ROR1: variants seen among roughly 807,000 people sequenced by gnomAD.
ROR1 encodes ROR family WNT receptor 1, also known as inactive tyrosine-protein kinase transmembrane receptor ROR1.
In ROR1, 19 loss-of-function variants were observed where a neutral mutation model predicts 78.8. The ratio of observed to expected loss-of-function variants is 0.24; its 90% CI spans 0.17 to 0.35. The LOEUF is 0.35. Among genes scored for constraint, ROR1 ranks in the 10% least tolerant of loss-of-function variants. The probability of loss-of-function intolerance (pLI) is 1.00; values close to 1 mark genes in which losing one functional copy is unlikely to be tolerated. For missense variants in ROR1, 917 were observed against 1,177.8 expected (o/e 0.78, Z 3.24); for synonymous variants, 386 against 433.6 (o/e 0.89, Z 1.36).
At chr1:64,041,021 A>G (rs77930744) in intron 2 of ROR1, among the ~76,000 whole-genome samples, 1,991 of 152,328 alleles carry the variant, frequency 0.013, 34 homozygotes, top group African/African-American at 0.045. Flanking sequence ...AAGTCAATTA[A>G]TAGTGGGAAA....
At chr1:64,129,551 A>G (rs1404199309) in intron 4 of ROR1, among the ~76,000 whole-genome samples, 1 of 152,208 alleles carries the variant, frequency 6.6e-6, no homozygotes, top group African/African-American at 2.4e-5. Flanking sequence ...TCACCTATGC[A>G]TTTCCAGCTT....
intron 1 of ROR1, among the ~76,000 whole-genome samples, chr1:63,934,354 C>T (rs1645777399): frequency 6.6e-6 from 1 of 152,154 alleles, no homozygotes; most frequent in South Asian, 2.1e-4. Flanking sequence ...TCAGTTTGCT[C>T]ATCTGTTAGA....
chr1:64,150,739 A>G (rs943164335), intron 7 of ROR1, among the ~76,000 whole-genome samples: 1 of 152,248 alleles, frequency 6.6e-6, no homozygotes, highest in African/African-American at 2.4e-5. Flanking sequence ...TTTCATTTCC[A>G]GTCTCTATAC....
chr1:63,799,854 GT>G (rs1644785051), intron 1 of ROR1, among the ~76,000 whole-genome samples: 1 of 152,180 alleles, frequency 6.6e-6, no homozygotes, highest in African/African-American at 2.4e-5. Context: ...GAAAGCTCAA[GT>G]TTTTATGGCA....
intron 1 of ROR1, among the ~76,000 whole-genome samples, chr1:63,799,965 G>A (rs1285863663): frequency 6.6e-6 from 1 of 152,160 alleles, no homozygotes; most frequent in Non-Finnish European, 1.5e-5. Flanking sequence ...ATCTTTTATG[G>A]TCAAAGAAGA....
At chr1:64,116,339 A>C (rs528299814) in intron 4 of ROR1, among the ~76,000 whole-genome samples, 1 of 152,316 alleles carries the variant, frequency 6.6e-6, no homozygotes, top group Admixed American at 6.5e-5. Flanking sequence ...TTTTAACATT[A>C]TGCCTGGCGA....
At position 63,811,063 on chromosome 1, in the gene ROR1, CA is replaced by C. The variant is rs139917946; in HGVS notation, c.91+36556del. Among the ~76,000 whole-genome samples, 124 of 152,282 alleles carry C rather than the reference CA, an allele frequency of 8.1e-4. No individual in the cohort carries two copies. In the Middle Eastern group the frequency reaches 0.017, roughly 21 times the overall value. On this transcript the variant is annotated intron_variant, in intron 1 of 8. Coordinates refer to ENST00000371079, the MANE Select transcript of ROR1 (RefSeq NM_005012.4). ...AGAGACAGGAAGTAGTGAGAGGATA[CA>C]GACCCAACCGACTGTAGAAAACTGT...
At chr1:63,851,915 T>C (rs1324029129) in intron 1 of ROR1, among the ~76,000 whole-genome samples, 1 of 152,240 alleles carries the variant, frequency 6.6e-6, no homozygotes. Context: ...ACAAGTAGAC[T>C]GGCATCTTAC....
intron 1 of ROR1, among the ~76,000 whole-genome samples, chr1:63,786,008 G>C (rs1644682679): frequency 6.6e-6 from 1 of 152,044 alleles, no homozygotes. Context: ...CCTCCCAGGG[G>C]ACACGTGATA....
chr1:63,922,959 T>G (rs1415294119), intron 1 of ROR1, among the ~76,000 whole-genome samples: 2 of 152,166 alleles, frequency 1.3e-5, no homozygotes, highest in Non-Finnish European at 2.9e-5. Context: ...TGGCTCTCAG[T>G]GGAAAAGAGC....
intron 1 of ROR1, among the ~76,000 whole-genome samples, chr1:63,835,870 G>A (rs1006827518): frequency 6.6e-6 from 1 of 152,194 alleles, no homozygotes; most frequent in Admixed American, 6.5e-5. Context: ...TCCTTTTAGA[G>A]GAAATGGAGC....
intron 1 of ROR1, among the ~76,000 whole-genome samples, chr1:63,897,048 T>C (rs942366462): frequency 1.3e-5 from 2 of 152,210 alleles, no homozygotes; most frequent in African/African-American, 4.8e-5. Flanking sequence ...TAACAGTATT[T>C]TCTGTAAAAT....
At chr1:64,144,738 GCTCTTT>G (rs1383148344) in intron 7 of ROR1, among the ~76,000 whole-genome samples, 15 of 152,170 alleles carry the variant, frequency 9.9e-5, no homozygotes, top group Admixed American at 8.5e-4. Context: ...AAACCTGTTG[GCTCTTT>G]CCACTAAGCA....
At chr1:63,843,384 A>G (rs1271943173) in intron 1 of ROR1, 1 of 778,716 alleles carries the variant, frequency 1.3e-6, no homozygotes, top group African/African-American at 1.7e-5. Context: ...GACCCAGAAG[A>G]TAAACACCAG....
At chr1:63,917,837 G>A (rs1645620895) in intron 1 of ROR1, among the ~76,000 whole-genome samples, 1 of 152,168 alleles carries the variant, frequency 6.6e-6, no homozygotes, top group African/African-American at 2.4e-5. Context: ...TGGAAAGCAC[G>A]TGGCATAATG....
intron 2 of ROR1, among the ~76,000 whole-genome samples, chr1:64,017,689 G>A (rs1366690639): frequency 6.6e-6 from 1 of 152,138 alleles, no homozygotes; most frequent in Non-Finnish European, 1.5e-5. Flanking sequence ...GGGGCATTCA[G>A]CCTAGAGGAA....
intron 1 of ROR1, among the ~76,000 whole-genome samples, chr1:63,812,467 T>C (rs193285265): frequency 3.9e-5 from 6 of 152,246 alleles, no homozygotes; most frequent in Admixed American, 6.5e-5. Context: ...GATCATAAAC[T>C]CTAGGAGGGC....
At chr1:63,958,492 C>T (rs577499021) in intron 1 of ROR1, among the ~76,000 whole-genome samples, 1 of 152,208 alleles carries the variant, frequency 6.6e-6, no homozygotes, top group East Asian at 1.9e-4. Flanking sequence ...GAGAGGAGAA[C>T]ATATTTAGAA....
intron 1 of ROR1, among the ~76,000 whole-genome samples, chr1:63,990,142 G>A (rs1261050577): frequency 4.6e-5 from 7 of 152,174 alleles, no homozygotes; most frequent in East Asian, 1.9e-4. Context: ...ATTCAGTTTC[G>A]CTCTGAGACA....
Sources: gnomAD v4.1 joint callset for allele counts (sites outside exome capture counted in the v4.1 genomes callset) on GRCh38, gnomAD v4.1.1 for gene constraint, MANE v1.5 for transcripts, NCBI Gene and HGNC (gene_info 2026-07-23, HGNC 2026-07-21) for gene names.